Variants in ITFG2 observed in about 807,000 individuals in gnomAD.
The protein encoded by ITFG2 is integrin alpha FG-GAP repeat containing 2.
A neutral mutation model predicts 54.4 loss-of-function variants in ITFG2; 36 were observed. That is an observed-to-expected ratio of 0.66 (90% CI 0.51 to 0.87). The LOEUF is 0.87. Among genes scored for constraint, ITFG2 ranks in the 40% least tolerant of loss-of-function variants. The probability of loss-of-function intolerance (pLI) is 0.00; values close to 1 mark genes in which losing one functional copy is unlikely to be tolerated. For synonymous variants in ITFG2, 211 were observed against 225.4 expected, an observed-to-expected ratio of 0.94 and a Z score of 0.57; for missense variants, 524 against 576.7, an observed-to-expected ratio of 0.91 and a Z score of 0.94.
chr12:2,822,621 A>C (rs570300670), intron 9 of ITFG2, among the ~76,000 whole-genome samples, 173 bp from the exon 10 acceptor site: 35 of 152,246 alleles, frequency 2.3e-4, no homozygotes, highest in South Asian at 1.0e-3. Context: ...AGGTTTCCTC[A>C]GTATAAAATT....
chr12:2,835,855 A>G (rs537562365), upstream of ITFG2, among the ~76,000 whole-genome samples: 15 of 152,328 alleles, frequency 9.8e-5, no homozygotes, highest in African/African-American at 3.6e-4. Flanking sequence ...TCTAAGCAAT[A>G]TGTCGTTGGT....
intron 2 of ITFG2, among the ~76,000 whole-genome samples, chr12:2,842,120 C>CTTTTT (rs71057841): frequency 2.3e-4 from 25 of 108,682 alleles, no homozygotes; most frequent in Non-Finnish European, 2.9e-4. Flanking sequence ...TCACTTGTTT[C>CTTTTT]TTTTTTTTTT....
chr12:2,855,363 G>A lies in ITFG2; in HGVS notation n.301-2649G>A. On this transcript the variant is annotated intron_variant and non_coding_transcript_variant, in intron 2 of 3. Coordinates refer to the ITFG2 transcript ENST00000537710. The stretch of plus-strand genomic sequence containing the variant: ...GGTAGGCTTGCCGGGTGAAGCCAGG[G>A]AACTCCCAGGACTCGCTGGGGAGGA... 4 of 1,277,956 alleles carry A rather than the reference G, an allele frequency of 3.1e-6. No homozygotes were observed. The South Asian group carries it at 3.7e-5, about 12-fold the overall frequency. 79.2% of individuals were successfully genotyped at this position (1,277,956 alleles called of 1,614,324 possible). A position where few individuals can be genotyped will look rare whatever the true frequency, so the allele number is the denominator to read the frequency against.
upstream of ITFG2, chr12:2,834,648 C>G (rs2098019201): frequency 2.5e-6 from 4 of 1,595,388 alleles, no homozygotes; most frequent in African/African-American, 1.3e-5. Context: ...TCACCAAGTC[C>G]TTGGAGGTGC....
Position 2,859,002 on chromosome 12 carries a change from G to A in ITFG2, n.621-532G>A, listed in dbSNP as rs768487105. ...AGGCAAGGGGTCAGAGGCACCCTGGGAGGTTTGTACTGGGCTGAAATCCAG... is the reference window on the plus strand; with the variant it reads ...AGGCAAGGGGTCAGAGGCACCCTGGAAGGTTTGTACTGGGCTGAAATCCAG... On this transcript the variant is annotated intron_variant and non_coding_transcript_variant, in intron 3 of 3. Transcript: ENST00000537710. The A allele has an allele frequency of 9.3e-6, 15 of 1,613,200 alleles. No individual in the cohort carries two copies. The African/African-American group carries it at 2.0e-4, about 22-fold the overall frequency.
At chr12:2,816,231 A>G (rs2153923534) in intron 1 of ITFG2, among the ~76,000 whole-genome samples, 1 of 150,734 alleles carries the variant, frequency 6.6e-6, no homozygotes, top group East Asian at 2.0e-4. Context: ...GGGTTTTACC[A>G]TGTTGGCCAG....
chr12:2,812,750 T>C lies in ITFG2; in HGVS notation c.-11T>C. ...CTGGGCCTCTCCGCTCCCTCTGCTC[T>C]TGGAGGTGCCATGAGGTCAGTTAGC... On this transcript the variant is annotated 5_prime_UTR_variant, in exon 1 of 12. Transcript: ENST00000228799. 1 of 1,599,444 alleles carries C rather than the reference T, an allele frequency of 6.3e-7. No individual in the cohort carries two copies. The highest frequency in any genetic ancestry group is 1.1e-5 in the South Asian group (1 of 90,766).
In ITFG2 at chr12:2,824,677, T is replaced by C. The variant is rs1029478849; in HGVS notation, c.*484T>C. ...AAAGGAATGGCAAACTGTTTTGTTT[T>C]GAAGGATCTTTCTACAGTCTGGTCT... On this transcript the variant is annotated 3_prime_UTR_variant, in exon 12 of 12. Transcript: ENST00000228799. 3 of 188,066 alleles carry C rather than the reference T, an allele frequency of 1.6e-5. No homozygotes were observed. The highest frequency in any genetic ancestry group is 7.0e-5 in the African/African-American group (3 of 42,564). The allele number at this position is 188,066 out of a possible 1,614,324, so 11.6% of individuals were successfully genotyped here.
Position 2,820,724 on chromosome 12 carries a change from G to T in ITFG2, c.547G>T (p.Val183Leu), listed in dbSNP as rs1428849414. 1 of 1,613,080 alleles carries T rather than the reference G, an allele frequency of 6.2e-7. No homozygotes were observed. The highest frequency in any genetic ancestry group is 2.2e-5 in the East Asian group (1 of 44,786). ...SLKKWMLEGQ[V>L]DSLSVTLGPL... is the part of the protein sequence containing the mutation. ...CCTTTAATCCCATTCCCTGGTGCAG[G>T]TGGACAGCCTCTCAGTGACTCTGGG... is the stretch of plus-strand genomic sequence containing the variant. The change falls in exon 6 of 12, where the codon GTG (valine) becomes TTG (leucine). Residue 183 changes from valine to leucine, a missense_variant and splice_region_variant. Val to Leu is a conservative substitution (Grantham distance 32, BLOSUM62 1). Coordinates refer to ENST00000228799, the MANE Select transcript of ITFG2 (RefSeq NM_018463.4).
downstream of ITFG2, chr12:2,827,040 G>C (rs1261090152): frequency 6.8e-7 from 1 of 1,460,622 alleles, no homozygotes; most frequent in Non-Finnish European, 9.0e-7. The surrounding 1 kb of genome is among the most constrained non-coding windows in gnomAD (Gnocchi z 4.0). Context: ...CTGAGAAGCA[G>C]AGAGGAATGC....
At chr12:2,831,394 G>A (rs2098002023), downstream of ITFG2, among the ~76,000 whole-genome samples, 1 of 151,898 alleles carries the variant, frequency 6.6e-6, no homozygotes, top group Non-Finnish European at 1.5e-5. Context: ...GACCAGCCTG[G>A]CCAACATGGT....
chr12:2,823,806 G>C lies in ITFG2; in HGVS notation c.1103G>C (p.Cys368Ser). 1.3e-6 allele frequency: 2 copies of C among 1,597,048 alleles called. No homozygotes were observed. The highest frequency in any genetic ancestry group is 1.7e-6 in the Non-Finnish European group (2 of 1,170,186). Residue 368 changes from cysteine to serine, a missense_variant, in exon 11 of 12, where the codon TGC becomes TCC. Physicochemically the swap from Cys to Ser is moderately radical, Grantham distance 112. Transcript: ENST00000228799. ...YACKEGRNSP[C>S]LVYVTFNQKI... is the part of the protein sequence containing the mutation. ...TGCAAAGAGGGCCGCAACAGCCCCT[G>C]CCTCGTATATGTCACTTTCAACCAG... is the stretch of plus-strand genomic sequence containing the variant.
downstream of ITFG2, chr12:2,828,392 A>C (rs572870264): frequency 1.2e-6 from 2 of 1,614,036 alleles, no homozygotes; most frequent in Non-Finnish European, 1.7e-6. Context: ...GTCAACGGCC[A>C]CTCTAAGCAG....
At chr12:2,828,513 A>T, downstream of ITFG2, 2 of 916,344 alleles carry the variant, frequency 2.2e-6, no homozygotes, top group South Asian at 2.8e-5. Flanking sequence ...CCCTCCTAGA[A>T]ATGAGTGGAG....
In ITFG2 at chr12:2,812,673, A is replaced by G. The variant is rs1487988307; in HGVS notation, c.-88A>G. On this transcript the variant is annotated 5_prime_UTR_variant, in exon 1 of 12. Coordinates refer to ENST00000228799, the MANE Select transcript of ITFG2 (RefSeq NM_018463.4). ...AGGCAGTGACGTAACTTGCTGCCTT[A>G]GGTGGCCTTCCGCTCTGGCGGCTGT... The G allele has an allele frequency of 8.7e-6, 9 of 1,031,788 alleles. No homozygotes were observed. Among genetic ancestry groups the G allele is most frequent in the East Asian group, 2.4e-5 (1 of 41,400 alleles). The allele number at this position is 1,031,788 out of a possible 1,614,324, so 63.9% of individuals were successfully genotyped here. A position where few individuals can be genotyped will look rare whatever the true frequency, so the allele number is the denominator to read the frequency against.
At chr12:2,852,375 T>C (rs1261822965) in intron 2 of ITFG2, among the ~76,000 whole-genome samples, 1 of 152,022 alleles carries the variant, frequency 6.6e-6, no homozygotes, top group African/African-American at 2.4e-5. Flanking sequence ...AACTGTTTTT[T>C]TTTTCTTTTG....
intron 2 of ITFG2, among the ~76,000 whole-genome samples, chr12:2,843,063 G>T (rs1313799351): frequency 1.3e-5 from 2 of 152,166 alleles, no homozygotes; most frequent in Non-Finnish European, 2.9e-5. Context: ...GGAGAGGAGA[G>T]CTCCTCTGGC....
At position 2,821,593 on chromosome 12, in the gene ITFG2, G is replaced by A; in HGVS notation, c.844G>A (p.Asp282Asn). The change falls in exon 8 of 12, where the codon GAT becomes AAT. Residue 282 changes from aspartate (D) to asparagine (N), a missense_variant. By Grantham distance (23) the Asp-to-Asn change is conservative. Transcript: ENST00000228799. ...TGGCCTCTTTGCCCTGTGCACCCTG[G>A]ATGGTGAGCAATGCTAGGATGGGGT... ...GSGLFALCTL[D>N]GTLKLMEEME... 1 of 1,614,192 alleles carries A rather than the reference G, an allele frequency of 6.2e-7. No homozygotes were observed. Among genetic ancestry groups the A allele is most frequent in the Non-Finnish European group, 8.5e-7 (1 of 1,180,034 alleles).
intron 9 of ITFG2, 112 bp downstream of exon 9, chr12:2,821,904 T>G: frequency 1.3e-6 from 1 of 778,106 alleles, no homozygotes; most frequent in Non-Finnish European, 2.1e-6. Context: ...ACCTTTATCT[T>G]TAGTCTCTGT....
Sources: allele counts gnomAD v4.1 joint callset (sites outside exome capture counted in the v4.1 genomes callset), GRCh38; gene constraint gnomAD v4.1.1; non-coding constraint Gnocchi (gnomAD v3.1); transcripts MANE v1.5; gene names NCBI Gene and HGNC (gene_info 2026-07-23, HGNC 2026-07-21).